The following STK33 variants were observed in gnomAD, a reference collection of about 807,000 sequenced individuals.
STK33 encodes serine/threonine-protein kinase 33.
STK33 carries 52 observed loss-of-function variants against 58.0 expected under a neutral mutation model. That is an observed-to-expected ratio of 0.90 (90% CI 0.72 to 1.13). STK33 has a LOEUF of 1.13. Among genes scored for constraint, STK33 ranks in the 50% most tolerant of loss-of-function variants. The probability of loss-of-function intolerance (pLI) is 0.00; values close to 1 mark genes in which losing one functional copy is unlikely to be tolerated. For synonymous variants in STK33, 215 were observed against 200.1 expected, an observed-to-expected ratio of 1.07 and a Z score of -0.63; for missense variants, 630 against 604.2, an observed-to-expected ratio of 1.04 and a Z score of -0.45.
At chr11:8,465,788 T>G (rs796318765) in intron 6 of STK33, 12 of 153,288 alleles carry the variant, frequency 7.8e-5, no homozygotes, top group African/African-American at 2.9e-4. Context: ...ATTCACCATG[T>G]GTATTAGTCC....
intron 1 of STK33, among the ~76,000 whole-genome samples, chr11:8,502,562 T>C (rs776080787): frequency 4.6e-5 from 7 of 152,048 alleles, no homozygotes; most frequent in South Asian, 2.1e-4. Flanking sequence ...ATTCTATACA[T>C]AGGAACTGGC....
chr11:8,441,159 A>C (rs1944691250), intron 11 of STK33, among the ~76,000 whole-genome samples: 1 of 152,206 alleles, frequency 6.6e-6, no homozygotes. Flanking sequence ...GATTCACAGA[A>C]AAACTAAGGT....
chr11:8,486,739 A>G (rs1950219720), intron 1 of STK33, among the ~76,000 whole-genome samples: 2 of 152,208 alleles, frequency 1.3e-5, no homozygotes, highest in African/African-American at 2.4e-5. Context: ...AAGGCAGGAC[A>G]AGGCAGGAGA....
At chr11:8,546,782 GAAT>G (rs1955952733) in intron 1 of STK33, among the ~76,000 whole-genome samples, 1 of 152,174 alleles carries the variant, frequency 6.6e-6, no homozygotes, top group South Asian at 2.1e-4. Flanking sequence ...ATTTATGGCT[GAAT>G]AATATTCCGC....
the STK33 span, among the ~76,000 whole-genome samples, chr11:8,374,596 T>C: frequency 1.3e-5 from 2 of 152,170 alleles, no homozygotes; most frequent in Admixed American, 1.3e-4. Flanking sequence ...AGGACACTAA[T>C]ACTATTGGCT....
chr11:8,445,986 C>A (rs564179072), intron 11 of STK33, among the ~76,000 whole-genome samples: 1 of 151,486 alleles, frequency 6.6e-6, no homozygotes, highest in Non-Finnish European at 1.5e-5. Context: ...TGGTAGAATT[C>A]GGCTGTGAAT....
chr11:8,436,865 T>A (rs551081296), intron 12 of STK33, among the ~76,000 whole-genome samples: 1 of 152,226 alleles, frequency 6.6e-6, no homozygotes, highest in Non-Finnish European at 1.5e-5. Context: ...ACCTGGCTAG[T>A]TTTTGTATTT....
chr11:8,351,362 A>T, the STK33 span, among the ~76,000 whole-genome samples: 2 of 152,096 alleles, frequency 1.3e-5, no homozygotes, highest in Non-Finnish European at 2.9e-5. Context: ...CCCAGTCCAC[A>T]CTTACTGTGG....
intron 1 of STK33, among the ~76,000 whole-genome samples, chr11:8,580,164 T>C (rs1299326921): frequency 6.6e-6 from 1 of 152,086 alleles, no homozygotes; most frequent in African/African-American, 2.4e-5. Flanking sequence ...ATATTTGCAA[T>C]CCCATGTTTG....
At chr11:8,545,903 C>T (rs1173511697) in intron 1 of STK33, among the ~76,000 whole-genome samples, 1 of 152,152 alleles carries the variant, frequency 6.6e-6, no homozygotes, top group African/African-American at 2.4e-5. Flanking sequence ...TCATAGAGTG[C>T]GCTTACACAA....
At chr11:8,417,937 T>G (rs964324535) in intron 14 of STK33, among the ~76,000 whole-genome samples, 4 of 152,252 alleles carry the variant, frequency 2.6e-5, no homozygotes, top group African/African-American at 9.6e-5. Context: ...AAAATTTATC[T>G]TATATAAACT....
chr11:8,434,920 G>C (rs1397675395), intron 14 of STK33, among the ~76,000 whole-genome samples: 1 of 152,212 alleles, frequency 6.6e-6, no homozygotes, highest in African/African-American at 2.4e-5. Context: ...TAAATACTGA[G>C]GGATAAGCAG....
chr11:8,404,314 A>T (rs935270416), intron 15 of STK33, among the ~76,000 whole-genome samples: 3 of 152,220 alleles, frequency 2.0e-5, no homozygotes, highest in Non-Finnish European at 4.4e-5. Context: ...TACAGAATAC[A>T]CATATCTGAA....
intron 8 of STK33, among the ~76,000 whole-genome samples, chr11:8,459,831 A>G (rs1331769959): frequency 6.6e-6 from 1 of 152,186 alleles, no homozygotes; most frequent in East Asian, 1.9e-4. Flanking sequence ...TCAATTCTTC[A>G]GGAGAGCATG....
chr11:8,470,176 A>G (rs191792537), intron 6 of STK33, among the ~76,000 whole-genome samples: 1 of 152,350 alleles, frequency 6.6e-6, no homozygotes, highest in African/African-American at 2.4e-5. Flanking sequence ...TCTGTTGTTT[A>G]GTGTAGCCAT....
downstream of STK33, among the ~76,000 whole-genome samples, chr11:8,387,022 G>C (rs1398074775): frequency 6.6e-6 from 1 of 152,148 alleles, no homozygotes; most frequent in Non-Finnish European, 1.5e-5. Context: ...ATATTCAAAG[G>C]CTTCTAAAGA....
the STK33 span, among the ~76,000 whole-genome samples, chr11:8,336,112 C>G: frequency 1.3e-5 from 2 of 152,228 alleles, no homozygotes; most frequent in African/African-American, 2.4e-5. Flanking sequence ...GAGCCCTGGG[C>G]TGGTGCTTGA....
intron 14 of STK33, chr11:8,433,933 G>A (rs984005076): frequency 1.3e-5 from 2 of 152,470 alleles, no homozygotes; most frequent in African/African-American, 4.8e-5. Context: ...GATCTTTTAA[G>A]AATATTATCG....
intron 2 of STK33, among the ~76,000 whole-genome samples, chr11:8,478,526 G>C (rs1318203021): frequency 1.3e-5 from 2 of 152,042 alleles, no homozygotes; most frequent in Non-Finnish European, 2.9e-5. Flanking sequence ...AAATCCCTGG[G>C]CTTTAATTTA....
Sources: gnomAD v4.1 joint callset for allele counts (sites outside exome capture counted in the v4.1 genomes callset) on GRCh38, gnomAD v4.1.1 for gene constraint, MANE v1.5 for transcripts, NCBI Gene and HGNC (gene_info 2026-07-23, HGNC 2026-07-21) for gene names.